TENM3: variants seen among roughly 807,000 people sequenced by gnomAD.
TENM3 encodes teneurin transmembrane protein 3, also known as teneurin-3.
Under a neutral mutation model 255.1 loss-of-function variants are expected in TENM3, and 63 were observed. That is an observed-to-expected ratio of 0.25 (90% CI 0.20 to 0.30). TENM3 has a LOEUF of 0.30. TENM3 is among the 10% of genes least tolerant of loss of function. The pLI, the probability that TENM3 is intolerant of heterozygous loss-of-function variation, is 1.00. For synonymous variants in TENM3, 1,306 were observed against 1,322.3 expected (o/e 0.99, Z 0.27); for missense variants, 2,929 against 3,461.1 (o/e 0.85, Z 3.86).
chr4:182,598,952 T>C (rs1285900056), intron 3 of TENM3, among the ~76,000 whole-genome samples: 1 of 152,196 alleles, frequency 6.6e-6, no homozygotes, highest in African/African-American at 2.4e-5. Flanking sequence ...TAATATAATA[T>C]TCTTTCATGG....
intron 3 of TENM3, among the ~76,000 whole-genome samples, chr4:182,596,524 C>CT (rs992934926): frequency 6.6e-6 from 1 of 152,080 alleles, no homozygotes; most frequent in Non-Finnish European, 1.5e-5. Context: ...GTGGCATCAC[C>CT]TTTTTTAGAT....
the TENM3 span, among the ~76,000 whole-genome samples, chr4:181,750,028 A>G: frequency 0.015 from 2,218 of 152,288 alleles, 53 homozygotes; most frequent in African/African-American, 0.05. Flanking sequence ...CCCACTGATG[A>G]GTGATCAGCC....
At chr4:181,576,916 C>T in the TENM3 span, among the ~76,000 whole-genome samples, 110 of 138,368 alleles carry the variant, frequency 7.9e-4, no homozygotes, top group African/African-American at 2.6e-3. Context: ...CGGGTTCAAG[C>T]GATTCTCCTG....
At chr4:181,791,321 G>T in the TENM3 span, among the ~76,000 whole-genome samples, 1 of 152,102 alleles carries the variant, frequency 6.6e-6, no homozygotes, top group Non-Finnish European at 1.5e-5. Context: ...TTCCTACAAT[G>T]AAATAATAGA....
chr4:182,015,956 A>C, the TENM3 span, among the ~76,000 whole-genome samples: 2 of 152,178 alleles, frequency 1.3e-5, no homozygotes, highest in Non-Finnish European at 2.9e-5. Flanking sequence ...AAGTCTATTA[A>C]CATAAACCTA....
At chr4:182,085,833 G>A in the TENM3 span, among the ~76,000 whole-genome samples, 4 of 152,158 alleles carry the variant, frequency 2.6e-5, no homozygotes, top group Middle Eastern at 3.4e-3. Flanking sequence ...TATATATTGC[G>A]TTTTTCTACT....
chr4:182,158,850 A>G (rs1036485778), intron 1 of TENM3, among the ~76,000 whole-genome samples: 3 of 152,226 alleles, frequency 2.0e-5, no homozygotes, highest in African/African-American at 4.8e-5. Flanking sequence ...ACCGATACTA[A>G]ATTCTCTAAG....
At chr4:181,834,535 G>T in the TENM3 span, among the ~76,000 whole-genome samples, 1 of 152,318 alleles carries the variant, frequency 6.6e-6, no homozygotes, top group East Asian at 1.9e-4. Context: ...CCTCCAGCTG[G>T]TATGCACCTG....
At chr4:182,606,615 A>G (rs928014787) in intron 4 of TENM3, among the ~76,000 whole-genome samples, 1 of 151,960 alleles carries the variant, frequency 6.6e-6, no homozygotes, top group African/African-American at 2.4e-5. Context: ...CTCCAGCAGC[A>G]TTACAGTTTG....
intron 1 of TENM3, among the ~76,000 whole-genome samples, chr4:182,181,684 C>T (rs1272852433): frequency 6.6e-6 from 1 of 151,798 alleles, no homozygotes; most frequent in Non-Finnish European, 1.5e-5. Context: ...TTGACTTACC[C>T]ATAATGTGCA....
At chr4:181,700,458 C>T in the TENM3 span, among the ~76,000 whole-genome samples, 2 of 152,104 alleles carry the variant, frequency 1.3e-5, 1 homozygote, top group South Asian at 4.1e-4. Flanking sequence ...GATATGTGAT[C>T]TCATTAAGCA....
chr4:181,771,116 T>A, the TENM3 span, among the ~76,000 whole-genome samples: 1 of 152,244 alleles, frequency 6.6e-6, no homozygotes, highest in African/African-American at 2.4e-5. Context: ...ATTCACCTGG[T>A]AGAATGTGAT....
intron 3 of TENM3, among the ~76,000 whole-genome samples, chr4:182,445,424 G>A (rs1772836184): frequency 2.0e-5 from 3 of 152,138 alleles, no homozygotes; most frequent in Admixed American, 2.0e-4. Context: ...TTTTGATTTT[G>A]TATTAGCACC....
chr4:182,013,959 CAT>C, the TENM3 span, among the ~76,000 whole-genome samples: 1 of 113,186 alleles, frequency 8.8e-6, no homozygotes, highest in Non-Finnish European at 1.8e-5. Context: ...TATATACACA[CAT>C]ATATACGTAT....
At chr4:182,485,200 G>C (rs1399397464) in intron 3 of TENM3, among the ~76,000 whole-genome samples, 1 of 152,108 alleles carries the variant, frequency 6.6e-6, no homozygotes, top group Non-Finnish European at 1.5e-5. Flanking sequence ...ATTTTTAGGA[G>C]TGACATAAGT....
At chr4:181,863,818 C>T in the TENM3 span, among the ~76,000 whole-genome samples, 1 of 152,100 alleles carries the variant, frequency 6.6e-6, no homozygotes, top group Non-Finnish European at 1.5e-5. Flanking sequence ...AAAAAGACCC[C>T]ATAGTAACAA....
intron 5 of TENM3, among the ~76,000 whole-genome samples, chr4:182,636,294 G>A (rs1751837071): frequency 6.6e-6 from 1 of 152,044 alleles, no homozygotes; most frequent in African/African-American, 2.4e-5. Context: ...GAATCCTTAA[G>A]GACATATTTA....
the TENM3 span, among the ~76,000 whole-genome samples, chr4:181,991,493 T>A: frequency 1.3e-5 from 2 of 152,146 alleles, no homozygotes; most frequent in African/African-American, 4.8e-5. Flanking sequence ...GTATGGAACC[T>A]GTCGCTGTTA....
the TENM3 span, among the ~76,000 whole-genome samples, chr4:181,911,138 G>C: frequency 6.6e-6 from 1 of 152,140 alleles, no homozygotes; most frequent in Non-Finnish European, 1.5e-5. Flanking sequence ...GAGAAAAAGC[G>C]GGTAATTTGG....
Sources: allele counts gnomAD v4.1 joint callset (sites outside exome capture counted in the v4.1 genomes callset), GRCh38; gene constraint gnomAD v4.1.1; transcripts MANE v1.5; gene names NCBI Gene and HGNC (gene_info 2026-07-23, HGNC 2026-07-21).